The following CTNND2 variants were observed in gnomAD, a reference collection of about 807,000 sequenced individuals.
CTNND2 encodes the protein catenin delta-2.
A neutral mutation model predicts 144.4 loss-of-function variants in CTNND2; 22 were observed. That is an observed-to-expected ratio of 0.15 (90% CI 0.11 to 0.22). CTNND2 has a LOEUF of 0.22. Ranked by LOEUF, CTNND2 falls within the 10% of genes least tolerant of loss-of-function variation. CTNND2 has a pLI of 1.00. For missense variants in CTNND2, 1,353 were observed against 1,618.8 expected (o/e 0.84, Z 2.82); for synonymous variants, 751 against 695.6 (o/e 1.08, Z -1.25).
Position 11,856,075 on chromosome 5 carries a change from T to C in CTNND2, c.37+47742A>G, listed in dbSNP as rs138899068. 2.6e-5 allele frequency among the ~76,000 whole-genome samples: 4 copies of C among 152,322 alleles called. No individual in the cohort carries two copies. In the East Asian group the frequency reaches 5.8e-4, roughly 22 times the overall value. The stretch of plus-strand genomic sequence containing the variant: ...AAAATCTTCAACTCACAAATATCTA[T>C]TCAGCATTAATTATCTATAAGCCAC... On this transcript the variant is annotated intron_variant, in intron 1 of 21. Transcript: ENST00000304623.
At position 11,895,118 on chromosome 5, in the gene CTNND2, A is replaced by C. The variant is rs575338141; in HGVS notation, c.37+8699T>G. Among the ~76,000 whole-genome samples, 207 of 152,198 alleles carry C rather than the reference A, an allele frequency of 1.4e-3. 1 individual carries two copies. Among genetic ancestry groups the C allele is most frequent in the African/African-American group, 4.8e-3 (199 of 41,522 alleles). ...CCAACGAACTTGAACTTGAGAAATGAGACATCCCTGAAGAACACACAGTCA... is the reference window on the plus strand; with the variant it reads ...CCAACGAACTTGAACTTGAGAAATGCGACATCCCTGAAGAACACACAGTCA... On this transcript the variant is annotated intron_variant, in intron 1 of 21. Transcript: ENST00000304623.
chr5:11,693,143 A>T (rs1056436923), intron 2 of CTNND2, among the ~76,000 whole-genome samples: 9 of 152,212 alleles, frequency 5.9e-5, no homozygotes, highest in Non-Finnish European at 1.3e-4. Flanking sequence ...CGTAAGGTGA[A>T]AGGGAGCATG....
chr5:11,849,893 T>C (rs1467707416), intron 1 of CTNND2, among the ~76,000 whole-genome samples: 1 of 152,124 alleles, frequency 6.6e-6, no homozygotes, highest in African/African-American at 2.4e-5. Context: ...ACGAGCCTTG[T>C]AGGGTTGAAA....
intron 12 of CTNND2, among the ~76,000 whole-genome samples, chr5:11,121,264 G>C (rs1215742972): frequency 6.6e-6 from 1 of 152,118 alleles, no homozygotes; most frequent in Non-Finnish European, 1.5e-5. Context: ...TTGTAATCAT[G>C]GTCCTTAGTG....
chr5:11,707,661 T>C (rs1437765170), intron 2 of CTNND2, among the ~76,000 whole-genome samples: 1 of 152,226 alleles, frequency 6.6e-6, no homozygotes, highest in African/African-American at 2.4e-5. Flanking sequence ...TTTCAACTAT[T>C]TTTTAGAGTA....
At chr5:11,093,010 A>T (rs1376430627) in intron 15 of CTNND2, among the ~76,000 whole-genome samples, 1 of 152,188 alleles carries the variant, frequency 6.6e-6, no homozygotes, top group East Asian at 1.9e-4. Context: ...TTTGGGGCAC[A>T]CGGCCAGAGA....
Position 11,411,578 on chromosome 5 carries a change from C to T in CTNND2, c.397G>A (p.Glu133Lys), listed in dbSNP as rs768679133. ...LVDSCIRSLQ[E>K]SGILDPQDYS... ...TCCTGTGGGTCAAGTATTCCTGATT[C>T]CTGTAGTGACCTAATACAGGAGTCC... The change falls in exon 5 of 22, where the codon GAA becomes AAA. Residue 133 changes from glutamate to lysine, a missense_variant. Glu to Lys is a moderately conservative substitution (Grantham distance 56). Transcript: ENST00000304623. The T allele has an allele frequency of 6.2e-7, 1 of 1,612,188 alleles. No individual in the cohort carries two copies. The highest frequency in any genetic ancestry group is 8.5e-7 in the Non-Finnish European group (1 of 1,178,488).
intron 1 of CTNND2, among the ~76,000 whole-genome samples, chr5:11,902,535 T>C (rs4702841): frequency 0.76 from 115,823 of 151,958 alleles, 44,209 homozygotes; most frequent in South Asian, 0.83. Flanking sequence ...CACAATGAGA[T>C]AACTCCTAGG....
chr5:11,183,377 C>T (rs1226289879), intron 11 of CTNND2, among the ~76,000 whole-genome samples: 1 of 152,148 alleles, frequency 6.6e-6, no homozygotes, highest in East Asian at 1.9e-4. Context: ...TCCACCCATA[C>T]GTGTCCTTAA....
intron 2 of CTNND2, among the ~76,000 whole-genome samples, chr5:11,704,447 C>G (rs185631453): frequency 1.3e-5 from 2 of 152,300 alleles, no homozygotes; most frequent in East Asian, 3.9e-4. Context: ...ATGAGTGCCT[C>G]TCAGTTGCTA....
chr5:11,517,946 T>C (rs1772332407), intron 3 of CTNND2, among the ~76,000 whole-genome samples: 1 of 152,212 alleles, frequency 6.6e-6, no homozygotes, highest in African/African-American at 2.4e-5. Flanking sequence ...ACTGCAGGAT[T>C]ACGTTTATAT....
chr5:11,021,647 T>A (rs577914571), intron 17 of CTNND2, among the ~76,000 whole-genome samples: 1 of 152,192 alleles, frequency 6.6e-6, no homozygotes, highest in Admixed American at 6.5e-5. Flanking sequence ...TTGAGCCTAT[T>A]TGGAGGTCTC....
At chr5:11,786,467 T>C (rs751098895) in intron 1 of CTNND2, among the ~76,000 whole-genome samples, 22 of 152,328 alleles carry the variant, frequency 1.4e-4, no homozygotes, top group Non-Finnish European at 2.5e-4. Flanking sequence ...GAAAACTAGA[T>C]GCTACTGATT....
intron 11 of CTNND2, among the ~76,000 whole-genome samples, chr5:11,179,415 G>A (rs1393534489): frequency 1.3e-5 from 2 of 152,124 alleles, no homozygotes; most frequent in Admixed American, 1.3e-4. Context: ...TATGAACCAT[G>A]CCTTTAAATA....
intron 2 of CTNND2, among the ~76,000 whole-genome samples, chr5:11,708,607 T>G (rs1310114061): frequency 6.6e-6 from 1 of 152,148 alleles, no homozygotes; most frequent in African/African-American, 2.4e-5. Context: ...AGTCTGGGAT[T>G]ATCTAGGGCG....
intron 1 of CTNND2, among the ~76,000 whole-genome samples, chr5:11,783,121 A>G (rs1240181258): frequency 1.3e-5 from 2 of 152,102 alleles, no homozygotes; most frequent in Non-Finnish European, 1.5e-5. Context: ...GAGAAGAGAG[A>G]GAGGTTGAGA....
chr5:11,187,010 T>G (rs934475915), intron 11 of CTNND2, among the ~76,000 whole-genome samples: 26 of 152,100 alleles, frequency 1.7e-4, no homozygotes, highest in African/African-American at 6.3e-4. Context: ...CTCTTCTTGG[T>G]CCACAAGAAA....
intron 1 of CTNND2, among the ~76,000 whole-genome samples, chr5:11,872,415 CA>C (rs1735209894): frequency 6.6e-6 from 1 of 152,124 alleles, no homozygotes; most frequent in East Asian, 1.9e-4. Context: ...GGGATGGCTG[CA>C]TCAAATGGTA....
At chr5:11,637,849 C>T (rs1292691732) in intron 2 of CTNND2, among the ~76,000 whole-genome samples, 1 of 152,130 alleles carries the variant, frequency 6.6e-6, no homozygotes, top group East Asian at 1.9e-4. Flanking sequence ...TAGACATCAA[C>T]TAATCTAAGA....
Sources: allele counts gnomAD v4.1 joint callset (sites outside exome capture counted in the v4.1 genomes callset), GRCh38; gene constraint gnomAD v4.1.1; transcripts MANE v1.5; gene names NCBI Gene and HGNC (gene_info 2026-07-23, HGNC 2026-07-21).